Variants in FMR1NB observed in about 807,000 individuals in gnomAD.
FMR1NB encodes the protein FMR1 neighbor.
A neutral mutation model predicts 16.8 loss-of-function variants in FMR1NB; 10 were observed. The ratio of observed to expected loss-of-function variants is 0.60; its 90% CI spans 0.37 to 1.01. The LOEUF is 1.01. Among genes scored for constraint, FMR1NB ranks in the 50% least tolerant of loss-of-function variants. The pLI is 0.01. For missense variants in FMR1NB, 205 were observed against 204.8 expected (o/e 1.00, Z 0.00); for synonymous variants, 83 against 79.1 (o/e 1.05, Z -0.26).
intron 4 of FMR1NB, among the ~76,000 whole-genome samples, chrX:148,015,472 C>T (rs1313498844): frequency 1.8e-5 from 2 of 111,653 alleles, no homozygotes; most frequent in African/African-American, 6.5e-5. Flanking sequence ...AATCTTCCCT[C>T]TGAGTACTGC....
intron 1 of FMR1NB, among the ~76,000 whole-genome samples, chrX:147,992,905 C>T (rs1206550896): frequency 3.1e-4 from 30 of 96,901 alleles, no homozygotes; most frequent in South Asian, 1.5e-3. Context: ...GGATGGCGGC[C>T]GGGCGGAGAT....
intron 4 of FMR1NB, among the ~76,000 whole-genome samples, chrX:148,013,101 G>A (rs931297543): frequency 9.0e-6 from 1 of 111,529 alleles, no homozygotes; most frequent in Non-Finnish European, 1.9e-5. Context: ...TTTGAAATTC[G>A]TATAAAGCTG....
At chrX:148,014,920 C>T (rs1336034936) in intron 4 of FMR1NB, among the ~76,000 whole-genome samples, 1 of 112,070 alleles carries the variant, frequency 8.9e-6, no homozygotes, top group Non-Finnish European at 1.9e-5. Flanking sequence ...GCTGGGATTA[C>T]AGACAGAAGC....
chrX:147,995,119 G>A (rs782677558), intron 1 of FMR1NB, among the ~76,000 whole-genome samples: 39 of 111,966 alleles, frequency 3.5e-4, no homozygotes, highest in African/African-American at 1.0e-3. Flanking sequence ...AAGGAGAGGC[G>A]TTTCCTCACA....
At chrX:147,995,265 C>T (rs1557188056) in intron 1 of FMR1NB, among the ~76,000 whole-genome samples, 1 of 112,008 alleles carries the variant, frequency 8.9e-6, no homozygotes, top group Non-Finnish European at 1.9e-5. Context: ...AACTAATATA[C>T]ATCAGAAGGT....
chrX:147,996,112 G>A (rs1443231883), intron 1 of FMR1NB, among the ~76,000 whole-genome samples: 1 of 111,526 alleles, frequency 9.0e-6, no homozygotes. Flanking sequence ...TTTAAAAAGG[G>A]AACTGTACCA....
At chrX:147,990,658 C>T (rs1317492795) in intron 1 of FMR1NB, among the ~76,000 whole-genome samples, 1 of 111,677 alleles carries the variant, frequency 9.0e-6, no homozygotes, top group African/African-American at 3.3e-5. Context: ...TTATTATTAA[C>T]TATAATTTCT....
Position 147,996,440 on chromosome X carries a change from A to G in FMR1NB, c.278-6761A>G, listed in dbSNP as rs189584023. On this transcript the variant is annotated intron_variant, in intron 1 of 5. Coordinates refer to ENST00000370467, the MANE Select transcript of FMR1NB (RefSeq NM_152578.3). ...ACAAACTCAGGTCTGTTTGAGGCCA[A>G]CACCCAGAAAGATAGTGGCATAGGT... 3.6e-5 allele frequency among the ~76,000 whole-genome samples: 4 copies of G among 111,060 alleles called. No individual in the cohort carries two copies. The East Asian group carries it at 1.1e-3, about 32-fold the overall frequency.
chrX:147,992,777 TG>T (rs1219202983), intron 1 of FMR1NB, among the ~76,000 whole-genome samples: 1 of 65,050 alleles, frequency 1.5e-5, no homozygotes, highest in Non-Finnish European at 2.7e-5. Flanking sequence ...ACATCCCAGA[TG>T]GGGTGGCGGG....
rs782201815 is a variant in FMR1NB at position 147,981,452 on chromosome X, G to A, written c.50G>A (p.Arg17His). 4.1e-5 allele frequency: 49 copies of A among 1,209,609 alleles called. No individual in the cohort carries two copies. The highest frequency in any genetic ancestry group is 7.0e-5 in the South Asian group (4 of 56,788). ...KAKGRNRRSH[R>H]AMRVAHLELA... is the part of the protein sequence containing the mutation. ...AAGGGGAGGAATAGGAGAAGTCACC[G>A]TGCCATGCGTGTGGCTCACTTAGAG... is the stretch of plus-strand genomic sequence containing the variant. The change falls in exon 1 of 6, where the codon CGT (arginine) becomes CAT (histidine). Residue 17 changes from arginine to histidine, a missense_variant. Physicochemically the swap from Arg to His is conservative, Grantham distance 29. Coordinates refer to ENST00000370467, the MANE Select transcript of FMR1NB (RefSeq NM_152578.3).
intron 4 of FMR1NB, among the ~76,000 whole-genome samples, chrX:148,024,619 G>A (rs1437952696): frequency 9.0e-6 from 1 of 111,442 alleles, no homozygotes; most frequent in Non-Finnish European, 1.9e-5. Context: ...AAGTGGGAGA[G>A]CATTTCTGTT....
chrX:148,022,702 T>C (rs922276543), intron 4 of FMR1NB, among the ~76,000 whole-genome samples: 1 of 111,548 alleles, frequency 9.0e-6, no homozygotes, highest in South Asian at 3.8e-4. Flanking sequence ...TAGTAAATGT[T>C]AGTCATATAG....
chrX:147,991,647 C>CTTTT (rs782065632), intron 1 of FMR1NB, among the ~76,000 whole-genome samples: 2 of 87,370 alleles, frequency 2.3e-5, no homozygotes, highest in African/African-American at 9.7e-5. Flanking sequence ...GGCCTTCCTT[C>CTTTT]TTTTTTTTTT....
chrX:148,006,068 T>C (rs782432150), intron 2 of FMR1NB, among the ~76,000 whole-genome samples: 3 of 112,120 alleles, frequency 2.7e-5, no homozygotes, highest in Non-Finnish European at 5.6e-5. Context: ...ATAAGCTATT[T>C]GAGCTTGCAG....
chrX:147,994,709 C>T (rs1307545257), intron 1 of FMR1NB, among the ~76,000 whole-genome samples: 1 of 112,176 alleles, frequency 8.9e-6, no homozygotes. Flanking sequence ...TTCTTTATTT[C>T]CAGGAGTACT....
rs1261041155 is a variant in FMR1NB, at chrX:148,016,143, C to G, written c.632+7432C>G. ...AGCTACTCCTTCCCTTTCTTGGTTTCCATTGGTATGGAATGTCTTTTTTCA... is the reference window on the plus strand; with the variant it reads ...AGCTACTCCTTCCCTTTCTTGGTTTGCATTGGTATGGAATGTCTTTTTTCA... On this transcript the variant is annotated intron_variant, in intron 4 of 5. Transcript: ENST00000370467. Among the ~76,000 whole-genome samples, 11 of 62,236 alleles carry G rather than the reference C, an allele frequency of 1.8e-4. No homozygotes were observed. In the Admixed American group the frequency reaches 2.3e-3, roughly 13 times the overall value. The allele number at this position is 62,236 out of a possible 115,157, so 54.0% of individuals were successfully genotyped here. A position where few individuals can be genotyped will look rare whatever the true frequency, so the allele number is the denominator to read the frequency against.
intron 4 of FMR1NB, among the ~76,000 whole-genome samples, chrX:148,023,291 T>C (rs1483663730): frequency 9.0e-6 from 1 of 111,649 alleles, no homozygotes; most frequent in Non-Finnish European, 1.9e-5. Context: ...AGATAAATCA[T>C]ATAAATATAT....
At chrX:148,024,559 A>G (rs959557351) in intron 4 of FMR1NB, among the ~76,000 whole-genome samples, 4 of 112,017 alleles carry the variant, frequency 3.6e-5, no homozygotes, top group African/African-American at 1.3e-4. Flanking sequence ...AGACAAGATA[A>G]TATCTAAACT....
chrX:148,004,068 T>A (rs1290045250), intron 2 of FMR1NB, among the ~76,000 whole-genome samples: 3 of 112,094 alleles, frequency 2.7e-5, no homozygotes, highest in Non-Finnish European at 5.6e-5. Context: ...CTTGAAAAAA[T>A]CTCTTTATGT....
Sources: allele counts gnomAD v4.1 joint callset (sites outside exome capture counted in the v4.1 genomes callset), GRCh38; gene constraint gnomAD v4.1.1; transcripts MANE v1.5; gene names NCBI Gene and HGNC (gene_info 2026-07-23, HGNC 2026-07-21).